Variants in KLRG2 observed in about 807,000 individuals in gnomAD.
KLRG2 encodes the protein killer cell lectin-like receptor subfamily G member 2.
Under a neutral mutation model 35.4 loss-of-function variants are expected in KLRG2, and 39 were observed. That is an observed-to-expected ratio of 1.10 (90% CI 0.85 to 1.44). The LOEUF (loss-of-function observed/expected upper bound fraction) is 1.44. Ranked by LOEUF, KLRG2 falls within the 40% of genes most tolerant of loss-of-function variation. The pLI is 0.00. For missense variants in KLRG2, 632 were observed against 570.9 expected (o/e 1.11, Z -1.09); for synonymous variants, 283 against 265.8 (o/e 1.06, Z -0.63).
At chr7:139,459,135 G>C (rs1360765591) in intron 3 of KLRG2, among the ~76,000 whole-genome samples, 1 of 152,162 alleles carries the variant, frequency 6.6e-6, no homozygotes, top group African/African-American at 2.4e-5. Context: ...GATTGATGCT[G>C]TATGCATTTT....
intron 3 of KLRG2, among the ~76,000 whole-genome samples, chr7:139,454,865 AAC>A (rs1491218948): frequency 7.0e-6 from 1 of 141,862 alleles, no homozygotes; most frequent in East Asian, 2.0e-4. Context: ...TAATAATAAT[AAC>A]ACACGCAGAT....
At chr7:139,451,294 G>T (rs1462639320), downstream of KLRG2, among the ~76,000 whole-genome samples, 1 of 152,246 alleles carries the variant, frequency 6.6e-6, no homozygotes, top group Non-Finnish European at 1.5e-5. Flanking sequence ...GAGGTCAGGA[G>T]TTCGAGACCA....
chr7:139,457,701 C>T (rs1796500575), intron 3 of KLRG2, among the ~76,000 whole-genome samples: 1 of 152,148 alleles, frequency 6.6e-6, no homozygotes, highest in Non-Finnish European at 1.5e-5. Flanking sequence ...CTCACCCTTC[C>T]CCTCTGGGCC....
At chr7:139,444,994 A>G in the KLRG2 span, among the ~76,000 whole-genome samples, 1 of 152,152 alleles carries the variant, frequency 6.6e-6, no homozygotes, top group Non-Finnish European at 1.5e-5. Flanking sequence ...ATTCACCCAA[A>G]CACAAAGAGA....
chr7:139,483,236 G>A lies in KLRG2; in HGVS notation c.407C>T (p.Ala136Val). 6.5e-7 allele frequency: 1 copy of A among 1,541,500 alleles called. No homozygotes were observed. Among genetic ancestry groups the A allele is most frequent in the Non-Finnish European group, 8.7e-7 (1 of 1,155,004 alleles). ...GGGCGATGGCGTGCTGCTGCCACCG[G>A]CCGCGCCCACGGGCTTCACGCGCAC... ...VDVRVKPVGA[A>V]GGSSTPSPRP... Residue 136 changes from alanine (A) to valine (V), a missense_variant, in exon 1 of 5, where the codon GCC becomes GTC. By Grantham distance (64) the Ala-to-Val change is moderately conservative (BLOSUM62 0). Coordinates refer to ENST00000340940, the MANE Select transcript of KLRG2 (RefSeq NM_198508.4).
At chr7:139,439,855 C>T in the KLRG2 span, among the ~76,000 whole-genome samples, 5 of 152,016 alleles carry the variant, frequency 3.3e-5, no homozygotes, top group Non-Finnish European at 7.4e-5. Context: ...CAACCTGATG[C>T]TTTTGTTTAA....
chr7:139,439,514 A>G, the KLRG2 span, among the ~76,000 whole-genome samples: 1 of 152,188 alleles, frequency 6.6e-6, no homozygotes, highest in Non-Finnish European at 1.5e-5. Context: ...TGTGTGCATG[A>G]TCTGCTTCGG....
chr7:139,446,746 C>A, the KLRG2 span, among the ~76,000 whole-genome samples: 1 of 151,980 alleles, frequency 6.6e-6, no homozygotes, highest in Non-Finnish European at 1.5e-5. Flanking sequence ...CTCCGACCAT[C>A]GGCTTCTGAC....
At chr7:139,427,749 T>C in the KLRG2 span, among the ~76,000 whole-genome samples, 1 of 152,144 alleles carries the variant, frequency 6.6e-6, no homozygotes, top group African/African-American at 2.4e-5. Context: ...CTCGCAACCT[T>C]TTTCTCACAT....
chr7:139,451,814 G>A (rs1035245834), downstream of KLRG2, among the ~76,000 whole-genome samples: 2 of 152,066 alleles, frequency 1.3e-5, no homozygotes, highest in African/African-American at 2.4e-5. Flanking sequence ...ACCTACAGAT[G>A]TGTCATTTCT....
At chr7:139,469,855 C>T (rs931648443) in intron 3 of KLRG2, among the ~76,000 whole-genome samples, 2 of 152,222 alleles carry the variant, frequency 1.3e-5, no homozygotes, top group African/African-American at 4.8e-5. Context: ...CCATGCGTTC[C>T]GCACCCCTGC....
At chr7:139,475,169 C>T (rs1010614238) in intron 3 of KLRG2, among the ~76,000 whole-genome samples, 10 of 152,164 alleles carry the variant, frequency 6.6e-5, no homozygotes, top group African/African-American at 2.4e-4. Flanking sequence ...CCACAAAAGG[C>T]CCAACAGGAC....
rs918818223 is a variant in KLRG2 at position 139,483,336 on chromosome 7, G to A, written c.307C>T (p.Leu103=). The A allele has an allele frequency of 2.6e-6, 4 of 1,544,972 alleles. No individual in the cohort carries two copies. The highest frequency in any genetic ancestry group is 1.7e-6 in the Non-Finnish European group (2 of 1,155,560). Residue 103 remains leucine, a synonymous_variant, in exon 1 of 5, where the codon CTG becomes TTG. Coordinates refer to ENST00000340940, the MANE Select transcript of KLRG2 (RefSeq NM_198508.4). Reference sequence around the variant, plus strand: ...CCGGGCGCCTCGCCATTCCGGGGCAGCTTGACCAAGGCAGGGCCCGGTGAC... The same window carrying A: ...CCGGGCGCCTCGCCATTCCGGGGCAACTTGACCAAGGCAGGGCCCGGTGAC... ...PPSPGPALVK[L]PRNGEAPGAE...
At chr7:139,451,286 G>A (rs575184652), downstream of KLRG2, among the ~76,000 whole-genome samples, 1 of 152,324 alleles carries the variant, frequency 6.6e-6, no homozygotes, top group Non-Finnish European at 1.5e-5. Flanking sequence ...GCTCACCTGA[G>A]GTCAGGAGTT....
At chr7:139,427,704 G>A in the KLRG2 span, among the ~76,000 whole-genome samples, 1 of 152,150 alleles carries the variant, frequency 6.6e-6, no homozygotes, top group Non-Finnish European at 1.5e-5. Flanking sequence ...TTCATCTTGT[G>A]TCTCTTAAGA....
At position 139,479,664 on chromosome 7, in the gene KLRG2, G is replaced by C. The variant is rs762099346; in HGVS notation, c.968C>G (p.Ala323Gly). 2.5e-6 allele frequency: 4 copies of C among 1,613,656 alleles called. No homozygotes were observed. The highest frequency in any genetic ancestry group is 3.4e-6 in the Non-Finnish European group (4 of 1,180,034). ...TAGCAGGGGGAGGGTAGCGTGGTAGGCTGAGCAGAAAGCCTGGCTGGCTTC... is the reference window on the plus strand; with the variant it reads ...TAGCAGGGGGAGGGTAGCGTGGTAGCCTGAGCAGAAAGCCTGGCTGGCTTC... ...AWEASQAFCSAYHATLPLLSH... is the reference protein window; with the variant it reads ...AWEASQAFCSGYHATLPLLSH... Residue 323 changes from alanine to glycine, a missense_variant, in exon 3 of 5, where the codon GCC becomes GGC. Transcript: ENST00000340940.
the KLRG2 span, among the ~76,000 whole-genome samples, chr7:139,430,935 G>A: frequency 6.6e-6 from 1 of 151,530 alleles, no homozygotes; most frequent in Non-Finnish European, 1.5e-5. Flanking sequence ...CTTGAACCGG[G>A]GAGGGGGAGG....
the KLRG2 span, among the ~76,000 whole-genome samples, chr7:139,437,381 C>T: frequency 2.6e-4 from 35 of 135,188 alleles, no homozygotes; most frequent in East Asian, 2.3e-4. Context: ...GCCAAGATTA[C>T]ACTACTGCAC....
At chr7:139,459,884 T>C (rs756522438) in intron 3 of KLRG2, among the ~76,000 whole-genome samples, 3 of 152,072 alleles carry the variant, frequency 2.0e-5, no homozygotes, top group Admixed American at 6.6e-5. Flanking sequence ...CCCAAGTAGC[T>C]GGAACTACAG....
Sources: gnomAD v4.1 joint callset for allele counts (sites outside exome capture counted in the v4.1 genomes callset) on GRCh38, gnomAD v4.1.1 for gene constraint, MANE v1.5 for transcripts, NCBI Gene and HGNC (gene_info 2026-07-23, HGNC 2026-07-21) for gene names.